ICA1L: variants seen among roughly 807,000 people sequenced by gnomAD.
ICA1L encodes the protein islet cell autoantigen 1-like protein.
A neutral mutation model predicts 61.3 loss-of-function variants in ICA1L; 50 were observed. That is an observed-to-expected ratio of 0.82 (90% CI 0.65 to 1.03). The LOEUF is 1.03. Ranked by LOEUF, ICA1L falls within the 50% of genes least tolerant of loss-of-function variation. The pLI is 0.00. For missense variants in ICA1L, 508 were observed against 556.7 expected, an observed-to-expected ratio of 0.91 and a Z score of 0.88; for synonymous variants, 161 against 191.3, an observed-to-expected ratio of 0.84 and a Z score of 1.31.
At chr2:202,857,768 C>T (rs1007843847) in intron 1 of ICA1L, among the ~76,000 whole-genome samples, 5 of 151,994 alleles carry the variant, frequency 3.3e-5, no homozygotes, top group African/African-American at 1.2e-4. Context: ...GGAACTTAAA[C>T]AAATTTACAA....
At position 202,790,245 on chromosome 2, in the gene ICA1L, T is replaced by C. The variant is rs1574327829; in HGVS notation, c.986-1158A>G. Among the ~76,000 whole-genome samples, 4 of 152,086 alleles carry C rather than the reference T, an allele frequency of 2.6e-5. 1 individual carries two copies. In the East Asian group the frequency reaches 7.7e-4, roughly 29 times the overall value. On this transcript the variant is annotated intron_variant, in intron 10 of 12. Coordinates refer to ENST00000358299, the MANE Select transcript of ICA1L (RefSeq NM_001288622.3). ...AGGAAAAATCCCATCCCTTAAACAT[T>C]TTTATCAATAAAAATGAAAGGGAGA...
At chr2:202,796,038 TAAAA>T (rs946498142) in intron 10 of ICA1L, among the ~76,000 whole-genome samples, 20 of 136,318 alleles carry the variant, frequency 1.5e-4, no homozygotes, top group East Asian at 6.3e-4. Flanking sequence ...GCGAGACTGT[TAAAA>T]AAAAAAAAAA....
intron 9 of ICA1L, among the ~76,000 whole-genome samples, chr2:202,798,418 T>C (rs1338163090): frequency 6.6e-6 from 1 of 152,096 alleles, no homozygotes; most frequent in Non-Finnish European, 1.5e-5. Context: ...TTTTTAAATT[T>C]TTTGTAGAAA....
chr2:202,816,069 C>T, intron 6 of ICA1L, 60 bp from the exon 7 acceptor site: 1 of 1,044,568 alleles, frequency 9.6e-7, no homozygotes, highest in Non-Finnish European at 1.4e-6. Flanking sequence ...TTTTTAAGTG[C>T]TATATTTCCT....
chr2:202,799,245 T>A (rs1254557865), intron 9 of ICA1L, among the ~76,000 whole-genome samples: 2 of 152,224 alleles, frequency 1.3e-5, no homozygotes, highest in Non-Finnish European at 1.5e-5. Context: ...CAACAGTGTA[T>A]AACAGTCCTC....
At chr2:202,795,560 A>C (rs770447206) in intron 10 of ICA1L, among the ~76,000 whole-genome samples, 9 of 151,198 alleles carry the variant, frequency 6.0e-5, no homozygotes, top group Non-Finnish European at 1.3e-4. Flanking sequence ...GCACCATTGC[A>C]CTCCAGCCTG....
At chr2:202,829,910 A>G (rs551609759) in intron 1 of ICA1L, among the ~76,000 whole-genome samples, 21 of 152,320 alleles carry the variant, frequency 1.4e-4, no homozygotes, top group African/African-American at 4.3e-4. Flanking sequence ...AAAATTTCCT[A>G]TAGTTATAAT....
chr2:202,843,371 T>C (rs1485573007), intron 1 of ICA1L, among the ~76,000 whole-genome samples: 1 of 152,200 alleles, frequency 6.6e-6, no homozygotes, highest in Non-Finnish European at 1.5e-5. Flanking sequence ...CTGAGATTGG[T>C]ATGGATAAAA....
chr2:202,867,616 G>A (rs1187893088), intron 1 of ICA1L, among the ~76,000 whole-genome samples: 1 of 152,102 alleles, frequency 6.6e-6, no homozygotes, highest in Non-Finnish European at 1.5e-5. Flanking sequence ...TGGCCATTAA[G>A]CACATAAAAA....
At chr2:202,819,627 TTTA>T (rs758103353) in intron 5 of ICA1L, 71 bp downstream of exon 5, 121 of 1,164,950 alleles carry the variant, frequency 1.0e-4, no homozygotes, top group Middle Eastern at 2.0e-4. Flanking sequence ...CATCTGAAAT[TTTA>T]TTATCTTAAT....
intron 1 of ICA1L, among the ~76,000 whole-genome samples, chr2:202,848,212 C>T (rs1694519849): frequency 6.6e-6 from 1 of 152,158 alleles, no homozygotes; most frequent in Admixed American, 6.5e-5. Flanking sequence ...ATCCACCTGC[C>T]TCGGTCTGCC....
At chr2:202,856,075 G>GAA (rs35022962) in intron 1 of ICA1L, among the ~76,000 whole-genome samples, 5,922 of 127,408 alleles carry the variant, frequency 0.046, 450 homozygotes, top group African/African-American at 0.16. Context: ...TCCGTCTCAA[G>GAA]AAAAAAAAAA....
intron 3 of ICA1L, 126 bp downstream of exon 3, chr2:202,825,569 T>C: frequency 7.5e-7 from 1 of 1,337,890 alleles, no homozygotes. Flanking sequence ...CAGGTAACTG[T>C]AAATATTCAT....
chr2:202,833,761 A>G (rs762512956), intron 1 of ICA1L, among the ~76,000 whole-genome samples: 39 of 152,344 alleles, frequency 2.6e-4, no homozygotes, highest in Non-Finnish European at 4.7e-4. Context: ...ACTCAATGGA[A>G]TACTATTCAG....
At chr2:202,788,061 C>A (rs964059795) in intron 11 of ICA1L, among the ~76,000 whole-genome samples, 1 of 152,216 alleles carries the variant, frequency 6.6e-6, no homozygotes, top group Non-Finnish European at 1.5e-5. Flanking sequence ...ATTCTTCCTT[C>A]ACTTCAGTAG....
rs574032868 is a variant in ICA1L at position 202,811,621 on chromosome 2, A to C, written c.910+125T>G. 63 of 652,236 alleles carry C rather than the reference A, an allele frequency of 9.7e-5. No homozygotes were observed. The African/African-American group carries it at 1.1e-3, about 11-fold the overall frequency. 40.4% of individuals were successfully genotyped at this position (652,236 alleles called of 1,614,324 possible). On this transcript the variant is annotated intron_variant, in intron 9 of 12. Transcript: ENST00000358299. ...AGCTTGCAGTGAGCCAAGATCACGC[A>C]ACTGCACTCCAGCCTGGGGGACAGA...
intron 2 of ICA1L, among the ~76,000 whole-genome samples, chr2:202,826,423 G>A (rs77932330): frequency 2.7e-4 from 41 of 152,230 alleles, no homozygotes; most frequent in African/African-American, 9.1e-4. Flanking sequence ...ACACATTAAT[G>A]TAGGTGTTCC....
intron 1 of ICA1L, among the ~76,000 whole-genome samples, chr2:202,864,649 A>T (rs182917691): frequency 7.7e-6 from 1 of 130,296 alleles, no homozygotes; most frequent in African/African-American, 2.6e-5. Context: ...GTGTGTGTGT[A>T]TATATATATA....
At chr2:202,844,989 A>C (rs1163363359) in intron 1 of ICA1L, among the ~76,000 whole-genome samples, 1 of 152,124 alleles carries the variant, frequency 6.6e-6, no homozygotes, top group African/African-American at 2.4e-5. Flanking sequence ...CCCTTCCTCC[A>C]TCTTTAAGGC....
Sources: gnomAD v4.1 joint callset for allele counts (sites outside exome capture counted in the v4.1 genomes callset) on GRCh38, gnomAD v4.1.1 for gene constraint, MANE v1.5 for transcripts, NCBI Gene and HGNC (gene_info 2026-07-23, HGNC 2026-07-21) for gene names.